SLC35F4: variants seen among roughly 807,000 people sequenced by gnomAD.
SLC35F4 encodes chromosome 14 open reading frame 36.
In SLC35F4, 24 loss-of-function variants were observed where a neutral mutation model predicts 44.2. The observed-to-expected ratio is 0.54, with a 90% CI of 0.39 to 0.76. The LOEUF (loss-of-function observed/expected upper bound fraction) is 0.76. Among genes scored for constraint, SLC35F4 ranks in the 30% least tolerant of loss-of-function variants. SLC35F4 has a pLI of 0.00. For missense variants in SLC35F4, 562 were observed against 586.1 expected (o/e 0.96, Z 0.42); for synonymous variants, 238 against 223.6 (o/e 1.06, Z -0.57).
intron 1 of SLC35F4, among the ~76,000 whole-genome samples, chr14:57,962,367 G>A (rs1200355395): frequency 6.6e-6 from 1 of 152,180 alleles, no homozygotes; most frequent in African/African-American, 2.4e-5. Context: ...CTGACTAGCT[G>A]CTCCCGGGAT....
At chr14:57,699,465 G>T (rs1332043824) in intron 1 of SLC35F4, among the ~76,000 whole-genome samples, 1 of 152,084 alleles carries the variant, frequency 6.6e-6, no homozygotes, top group African/African-American at 2.4e-5. Context: ...AATCCCTTAC[G>T]TGCAAGAATT....
chr14:57,591,602 T>G (rs1229831346), intron 2 of SLC35F4, among the ~76,000 whole-genome samples: 1 of 152,216 alleles, frequency 6.6e-6, no homozygotes, highest in Admixed American at 6.5e-5. Flanking sequence ...TGTCCAAGAT[T>G]GAACCCAACT....
intron 1 of SLC35F4, among the ~76,000 whole-genome samples, chr14:57,704,700 C>G (rs1010474667): frequency 4.6e-5 from 7 of 152,166 alleles, no homozygotes; most frequent in African/African-American, 1.4e-4. Flanking sequence ...TATACTCTCC[C>G]TACACATAAA....
At chr14:57,609,078 T>G (rs560437035) in intron 1 of SLC35F4, among the ~76,000 whole-genome samples, 1 of 152,206 alleles carries the variant, frequency 6.6e-6, no homozygotes, top group Admixed American at 6.5e-5. Flanking sequence ...AGAAATTGTG[T>G]TAATTTAAGG....
chr14:57,689,796 T>A (rs2075174861), intron 1 of SLC35F4, among the ~76,000 whole-genome samples: 1 of 150,960 alleles, frequency 6.6e-6, no homozygotes, highest in Non-Finnish European at 1.5e-5. Flanking sequence ...AAATGACGAG[T>A]TAATGGGTGC....
chr14:57,951,555 C>A (rs1890139779), intron 1 of SLC35F4, among the ~76,000 whole-genome samples: 1 of 152,186 alleles, frequency 6.6e-6, no homozygotes, highest in African/African-American at 2.4e-5. Context: ...TCGCTACCAG[C>A]ACAATAGCCT....
At chr14:57,959,618 G>A (rs937091731) in intron 1 of SLC35F4, among the ~76,000 whole-genome samples, 3 of 152,146 alleles carry the variant, frequency 2.0e-5, no homozygotes, top group Non-Finnish European at 1.5e-5. Context: ...TTTCGCAGCC[G>A]AAAGCCATGA....
At chr14:57,625,422 G>T (rs1185842908) in intron 1 of SLC35F4, among the ~76,000 whole-genome samples, 3 of 152,098 alleles carry the variant, frequency 2.0e-5, no homozygotes, top group Non-Finnish European at 4.4e-5. Flanking sequence ...AGCTACCATT[G>T]ACTTTCTTGA....
At chr14:57,676,707 A>G (rs923119857) in intron 1 of SLC35F4, among the ~76,000 whole-genome samples, 8 of 152,238 alleles carry the variant, frequency 5.3e-5, no homozygotes, top group South Asian at 2.1e-4. Context: ...TAAAACCACA[A>G]TGAGATACCA....
At chr14:57,981,423 G>A (rs183603634) in intron 1 of SLC35F4, among the ~76,000 whole-genome samples, 1 of 152,274 alleles carries the variant, frequency 6.6e-6, no homozygotes, top group Non-Finnish European at 1.5e-5. Context: ...GGCTCAGGTA[G>A]ACTAGTCTGA....
intron 1 of SLC35F4, among the ~76,000 whole-genome samples, chr14:57,813,638 G>A (rs2140892009): frequency 6.6e-6 from 1 of 152,154 alleles, no homozygotes; most frequent in African/African-American, 2.4e-5. Context: ...TATAAGATAT[G>A]GGGTTTTATA....
Position 57,922,189 on chromosome 14 carries a change from T to C in SLC35F4, n.282+59724A>G, listed in dbSNP as rs184977704. ...GATGTTCAAAATTTTTTTAATTTTG[T>C]TTTCTGGGTCAGTGATTCTCAAACT... On this transcript the variant is annotated intron_variant and non_coding_transcript_variant, in intron 1 of 1. Transcript: ENST00000556568. Among the ~76,000 whole-genome samples, 6 of 152,270 alleles carry C rather than the reference T, an allele frequency of 3.9e-5. No homozygotes were observed. In the East Asian group the frequency reaches 9.7e-4, roughly 25 times the overall value.
rs745406392 is a variant in SLC35F4 at position 57,569,831 on chromosome 14, A to G, written c.1083T>C (p.Ala361=). The G allele has an allele frequency of 1.2e-6, 2 of 1,611,642 alleles. No individual in the cohort carries two copies. Among genetic ancestry groups the G allele is most frequent in the Non-Finnish European group, 1.7e-6 (2 of 1,178,970 alleles). ...TCCCACAGAGACAGCCCCATGGCAG[A>G]GCAGCAAAAGAGGACCAGTGCTCCA... ...TKVEHWSSFA[A]LPWGCLCGMA... Residue 361 remains alanine, a synonymous_variant, in exon 6 of 8, where the codon GCT becomes GCC. Coordinates refer to ENST00000556826, the MANE Select transcript of SLC35F4 (RefSeq NM_001306087.2).
At chr14:57,627,443 G>C (rs1222730538) in intron 1 of SLC35F4, among the ~76,000 whole-genome samples, 1 of 152,048 alleles carries the variant, frequency 6.6e-6, no homozygotes, top group East Asian at 1.9e-4. Context: ...CCTTGGACCA[G>C]GGCTAAACAA....
chr14:57,783,272 AAAT>A (rs1283705170), intron 1 of SLC35F4, among the ~76,000 whole-genome samples: 7 of 152,128 alleles, frequency 4.6e-5, no homozygotes, highest in Non-Finnish European at 1.0e-4. Context: ...CAATTTTTTA[AAAT>A]ATCAAGCAGC....
chr14:57,924,465 T>G (rs1416765566), intron 1 of SLC35F4, among the ~76,000 whole-genome samples: 6 of 151,886 alleles, frequency 4.0e-5, no homozygotes, highest in African/African-American at 1.5e-4. Flanking sequence ...TTTTTTTTTT[T>G]TAAGACGGAG....
intron 1 of SLC35F4, among the ~76,000 whole-genome samples, chr14:57,688,764 T>C (rs1443754250): frequency 6.6e-6 from 1 of 152,158 alleles, no homozygotes; most frequent in African/African-American, 2.4e-5. Context: ...TCATACTCAT[T>C]TGTTGATCTT....
At chr14:57,697,127 A>T (rs1825011917) in intron 1 of SLC35F4, among the ~76,000 whole-genome samples, 1 of 152,156 alleles carries the variant, frequency 6.6e-6, no homozygotes, top group South Asian at 2.1e-4. Flanking sequence ...CTCTCTAAGC[A>T]GGTTTTAGAT....
chr14:57,692,545 C>T (rs958015586), intron 1 of SLC35F4, among the ~76,000 whole-genome samples: 8 of 152,020 alleles, frequency 5.3e-5, no homozygotes, highest in African/African-American at 1.9e-4. Context: ...AATTAAATAA[C>T]ATTTTCTTTC....
Sources: gnomAD v4.1 joint callset for allele counts (sites outside exome capture counted in the v4.1 genomes callset) on GRCh38, gnomAD v4.1.1 for gene constraint, MANE v1.5 for transcripts, NCBI Gene and HGNC (gene_info 2026-07-23, HGNC 2026-07-21) for gene names.